Variants in CFAP70 observed in about 807,000 individuals in gnomAD.
The protein encoded by CFAP70 is cilia- and flagella-associated protein 70.
In CFAP70, 81 loss-of-function variants were observed where a neutral mutation model predicts 137.6. That is an observed-to-expected ratio of 0.59 (90% confidence interval 0.49 to 0.71). The LOEUF (loss-of-function observed/expected upper bound fraction) is 0.71, where lower values mean the gene tolerates loss of function less well. Ranked by LOEUF, CFAP70 falls within the 30% of genes least tolerant of loss-of-function variation. CFAP70 has a pLI of 0.00. For missense variants in CFAP70, 976 were observed against 1,226.7 expected (o/e 0.80, Z 3.05); for synonymous variants, 382 against 423.6 (o/e 0.90, Z 1.20).
chr10:73,323,084 G>A (rs777869852), exon 9 of CFAP70: 1 of 1,611,852 alleles, frequency 6.2e-7, no homozygotes, highest in South Asian at 1.1e-5. Flanking sequence ...CGAAAGCTGA[G>A]CTTCTTCATC....
intron 9 of CFAP70, among the ~76,000 whole-genome samples, chr10:73,320,512 A>G (rs2050754599): frequency 6.6e-6 from 1 of 151,906 alleles, no homozygotes; most frequent in African/African-American, 2.4e-5. Flanking sequence ...TTTTTTTTGT[A>G]GAGATAGGGT....
intron 25 of CFAP70, 92 bp from the exon 27 acceptor site, chr10:73,256,508 A>C: frequency 7.5e-7 from 1 of 1,325,974 alleles, no homozygotes; most frequent in Non-Finnish European, 1.1e-6. Context: ...AGGCACCTAC[A>C]CCTAAGGCAG....
chr10:73,255,256 G>T (rs887448814), intron 26 of CFAP70, among the ~76,000 whole-genome samples: 1 of 152,050 alleles, frequency 6.6e-6, no homozygotes, highest in Non-Finnish European at 1.5e-5. Context: ...ATTAGCTGGG[G>T]GCAGTGGCGG....
intron 8 of CFAP70, among the ~76,000 whole-genome samples, chr10:73,326,848 G>A (rs2051488109): frequency 6.6e-6 from 1 of 151,716 alleles, no homozygotes. Context: ...ATAATCAATA[G>A]CTTACCAACC....
chr10:73,362,605 G>C (rs1294370328), upstream of CFAP70, among the ~76,000 whole-genome samples: 2 of 152,086 alleles, frequency 1.3e-5, no homozygotes, highest in Non-Finnish European at 2.9e-5. Flanking sequence ...AAATGCTACT[G>C]ATTTTTGTAT....
intron 8 of CFAP70, among the ~76,000 whole-genome samples, chr10:73,328,017 G>A (rs894755554): frequency 6.6e-5 from 10 of 152,126 alleles, no homozygotes; most frequent in African/African-American, 2.2e-4. Context: ...CCAAAAAAGA[G>A]CTCGCATCGC....
intron 4 of CFAP70, 23 bp from the exon 6 acceptor site, chr10:73,345,267 A>G: frequency 6.3e-7 from 1 of 1,599,842 alleles, no homozygotes; most frequent in Non-Finnish European, 8.5e-7. Flanking sequence ...AAAATTATGC[A>G]GCATTTTGAA....
chr10:73,340,307 A>C (rs541669494), intron 6 of CFAP70, among the ~76,000 whole-genome samples: 1 of 152,338 alleles, frequency 6.6e-6, no homozygotes, highest in South Asian at 2.1e-4. Flanking sequence ...CACAGTGGGT[A>C]GCTTCTCTCC....
At chr10:73,256,002 A>C (rs756431527) in intron 26 of CFAP70, among the ~76,000 whole-genome samples, 14 of 152,194 alleles carry the variant, frequency 9.2e-5, no homozygotes, top group Admixed American at 4.6e-4. Flanking sequence ...CCCTTTACAG[A>C]AAATGTTTGC....
chr10:73,362,093 C>A (rs1212114351), upstream of CFAP70, among the ~76,000 whole-genome samples: 1 of 152,152 alleles, frequency 6.6e-6, no homozygotes, highest in Non-Finnish European at 1.5e-5. Flanking sequence ...TAAACTCTTA[C>A]ATTTACGGTC....
intron 8 of CFAP70, among the ~76,000 whole-genome samples, chr10:73,325,421 G>C (rs1310649778): frequency 6.6e-6 from 1 of 152,210 alleles, no homozygotes. Flanking sequence ...GGAAGAAACT[G>C]CATCAACTAA....
intron 9 of CFAP70, among the ~76,000 whole-genome samples, chr10:73,316,881 C>T (rs1482186460): frequency 2.6e-5 from 4 of 152,172 alleles, no homozygotes; most frequent in Non-Finnish European, 5.9e-5. Context: ...AAGTATTCCT[C>T]ATTTCTTCTT....
chr10:73,279,596 C>A (rs558699411), intron 19 of CFAP70, among the ~76,000 whole-genome samples: 1 of 151,576 alleles, frequency 6.6e-6, no homozygotes, highest in Non-Finnish European at 1.5e-5. Flanking sequence ...AGGTGACTCA[C>A]GCCTGTGAGC....
intron 12 of CFAP70, among the ~76,000 whole-genome samples, chr10:73,309,366 A>G (rs2049698436): frequency 6.6e-6 from 1 of 152,112 alleles, no homozygotes; most frequent in Non-Finnish European, 1.5e-5. Context: ...GTGTGTGTTT[A>G]TGTGTGTATG....
chr10:73,294,005 A>G (rs1564798067), intron 15 of CFAP70: 1 of 152,320 alleles, frequency 6.6e-6, no homozygotes, highest in East Asian at 1.9e-4. Flanking sequence ...TATGGTCAAG[A>G]AAGAGTCCAC....
At chr10:73,262,126 T>C (rs1349782624) in intron 25 of CFAP70, among the ~76,000 whole-genome samples, 1 of 149,340 alleles carries the variant, frequency 6.7e-6, no homozygotes, top group African/African-American at 2.5e-5. Flanking sequence ...TTATCTGAGG[T>C]TTTGCTTTCC....
intron 8 of CFAP70, among the ~76,000 whole-genome samples, chr10:73,325,465 G>T (rs1413737841): frequency 6.6e-6 from 1 of 152,064 alleles, no homozygotes. Flanking sequence ...CATAATGACG[G>T]GATCAAGTTC....
intron 8 of CFAP70, among the ~76,000 whole-genome samples, chr10:73,328,905 G>C (rs1275421829): frequency 6.7e-6 from 1 of 149,728 alleles, no homozygotes; most frequent in African/African-American, 2.5e-5. Context: ...CTGTAAACTA[G>C]TTCAACCATT....
chr10:73,290,476 G>A (rs1387372640), intron 19 of CFAP70, among the ~76,000 whole-genome samples: 2 of 152,156 alleles, frequency 1.3e-5, no homozygotes, highest in East Asian at 1.9e-4. Flanking sequence ...TGTTGATTGT[G>A]GTGATGTTTT....
Sources: allele counts gnomAD v4.1 joint callset (sites outside exome capture counted in the v4.1 genomes callset), GRCh38; gene constraint gnomAD v4.1.1; transcripts MANE v1.5; gene names NCBI Gene and HGNC (gene_info 2026-07-23, HGNC 2026-07-21).